Variants in RAD54B observed in about 807,000 individuals in gnomAD.
RAD54B encodes RAD54 homolog B.
A neutral mutation model predicts 95.8 loss-of-function variants in RAD54B; 78 were observed. That is an observed-to-expected ratio of 0.81 (90% CI 0.68 to 0.98). RAD54B has a LOEUF of 0.98. Among genes scored for constraint, RAD54B ranks in the 50% least tolerant of loss-of-function variants. The probability of loss-of-function intolerance (pLI) is 0.00; values close to 1 mark genes in which losing one functional copy is unlikely to be tolerated. For synonymous variants in RAD54B, 328 were observed against 354.9 expected, an observed-to-expected ratio of 0.92 and a Z score of 0.85; for missense variants, 957 against 1,056.6, an observed-to-expected ratio of 0.91 and a Z score of 1.31.
chr8:94,467,341 G>T, intron 2 of RAD54B, 64 bp downstream of exon 2: 2 of 1,351,094 alleles, frequency 1.5e-6, no homozygotes, highest in South Asian at 1.7e-5. Context: ...CTCTTTAAAT[G>T]GCATTTTCTT....
intron 1 of RAD54B, among the ~76,000 whole-genome samples, chr8:94,474,099 C>T (rs1028205377): frequency 6.6e-6 from 1 of 152,122 alleles, no homozygotes; most frequent in Non-Finnish European, 1.5e-5. Flanking sequence ...TTATCCAAAG[C>T]GAATTAAAGC....
chr8:94,378,540 C>T (rs371934028), intron 13 of RAD54B, 28 bp downstream of exon 13: 3 of 1,551,574 alleles, frequency 1.9e-6, no homozygotes, highest in Non-Finnish European at 2.6e-6. Flanking sequence ...AAAGAGTATA[C>T]ATTTTTGTCA....
At chr8:94,377,824 A>C (rs1810629037) in intron 14 of RAD54B, among the ~76,000 whole-genome samples, 1 of 148,072 alleles carries the variant, frequency 6.8e-6, no homozygotes, top group Non-Finnish European at 1.5e-5. Context: ...AAAATACAAA[A>C]AATTAGCCGG....
intron 3 of RAD54B, among the ~76,000 whole-genome samples, chr8:94,442,078 G>A (rs1812409889): frequency 6.6e-6 from 1 of 152,154 alleles, no homozygotes; most frequent in Non-Finnish European, 1.5e-5. Flanking sequence ...ATGAAATCCT[G>A]ACATTTGCAG....
chr8:94,463,255 C>T (rs948198712), intron 2 of RAD54B, among the ~76,000 whole-genome samples: 4 of 142,002 alleles, frequency 2.8e-5, no homozygotes, highest in African/African-American at 1.1e-4. Flanking sequence ...GGCAACAGAG[C>T]GAGACTTCAC....
chr8:94,431,358 TAGAG>T (rs1164856905), intron 3 of RAD54B: 2 of 984,578 alleles, frequency 2.0e-6, no homozygotes, highest in Non-Finnish European at 2.4e-6. Flanking sequence ...GGAACAAAAA[TAGAG>T]AGAGAATGGG....
chr8:94,376,820 C>T (rs1351660113), intron 14 of RAD54B, among the ~76,000 whole-genome samples: 3 of 149,964 alleles, frequency 2.0e-5, no homozygotes, highest in Non-Finnish European at 4.4e-5. Context: ...AACTAATAAG[C>T]TTCTATTGTA....
intron 3 of RAD54B, among the ~76,000 whole-genome samples, chr8:94,438,421 A>G (rs1812322057): frequency 6.6e-6 from 1 of 152,190 alleles, no homozygotes; most frequent in Admixed American, 6.5e-5. Flanking sequence ...TGTAGAAATC[A>G]GTAATGCAAA....
chr8:94,455,758 G>A (rs1239829440), intron 3 of RAD54B, among the ~76,000 whole-genome samples: 4 of 152,152 alleles, frequency 2.6e-5, no homozygotes, highest in Non-Finnish European at 4.4e-5. Context: ...GCCCCTGGTG[G>A]TTTCCAGCAA....
chr8:94,447,596 G>C (rs1812552885), intron 3 of RAD54B, among the ~76,000 whole-genome samples: 1 of 152,170 alleles, frequency 6.6e-6, no homozygotes, highest in South Asian at 2.1e-4. Flanking sequence ...CGTACACTGA[G>C]GATTCTCAGA....
chr8:94,442,577 A>G (rs1191451806), intron 3 of RAD54B, among the ~76,000 whole-genome samples: 378 of 137,862 alleles, frequency 2.7e-3, no homozygotes, highest in Non-Finnish European at 4.2e-3. Context: ...TCTGTCTCAG[A>G]AAAAAAAAAA....
chr8:94,423,775 G>A (rs1002987703), intron 3 of RAD54B, among the ~76,000 whole-genome samples: 9 of 152,136 alleles, frequency 5.9e-5, no homozygotes, highest in South Asian at 2.1e-4. Flanking sequence ...ATTTTGCTGT[G>A]TGCAATTTTA....
chr8:94,447,204 T>C (rs1022897472), intron 3 of RAD54B, among the ~76,000 whole-genome samples: 2 of 152,156 alleles, frequency 1.3e-5, no homozygotes, highest in Admixed American at 1.3e-4. Context: ...ACTCCACCCA[T>C]GCTACATGAA....
At chr8:94,464,682 TATGGTATTTAA>T (rs1307611733) in intron 2 of RAD54B, among the ~76,000 whole-genome samples, 3 of 152,218 alleles carry the variant, frequency 2.0e-5, no homozygotes, top group Non-Finnish European at 4.4e-5. Flanking sequence ...AAGTAGACTG[TATGGTATTTAA>T]ATTATATCTG....
chr8:94,423,452 C>T (rs1281471255), intron 3 of RAD54B, among the ~76,000 whole-genome samples: 3 of 152,154 alleles, frequency 2.0e-5, no homozygotes, highest in Non-Finnish European at 4.4e-5. Context: ...AGCAAAGATT[C>T]AGTCACTTCT....
At chr8:94,431,692 A>G (rs764035445) in intron 3 of RAD54B, 71 of 983,744 alleles carry the variant, frequency 7.2e-5, no homozygotes, top group Non-Finnish European at 7.7e-5. Flanking sequence ...AAAAGATAAA[A>G]GCATAAAAAC....
intron 11 of RAD54B, among the ~76,000 whole-genome samples, chr8:94,380,810 G>A (rs973499307): frequency 6.6e-6 from 1 of 152,166 alleles, no homozygotes; most frequent in Admixed American, 6.5e-5. Context: ...ACAAATGAAA[G>A]TTCATTTGCA....
chr8:94,446,671 G>C (rs147213727), intron 3 of RAD54B, among the ~76,000 whole-genome samples: 13 of 152,244 alleles, frequency 8.5e-5, no homozygotes, highest in Non-Finnish European at 1.9e-4. Context: ...GAAGTACACT[G>C]CACTTCATTT....
rs1812822366 is a variant in RAD54B, at chr8:94,458,289, T to C, written c.283A>G (p.Thr95Ala). The C allele has an allele frequency of 2.5e-6, 4 of 1,606,346 alleles. No individual in the cohort carries two copies. Among genetic ancestry groups the C allele is most frequent in the East Asian group, 2.2e-5 (1 of 44,522 alleles). Residue 95 changes from threonine (T) to alanine (A), a missense_variant, in exon 3 of 15, where the codon ACA (threonine) becomes GCA (alanine). Transcript: ENST00000336148. ...KYCFEAPTLA[T>A]LDPPHTVHSA... ...TTACCTGTATGAGGTGGATCTAATG[T>C]TGCCAGTGTAGGTGCTTCAAAACAA...
Sources: gnomAD v4.1 joint callset for allele counts (sites outside exome capture counted in the v4.1 genomes callset) on GRCh38, gnomAD v4.1.1 for gene constraint, MANE v1.5 for transcripts, NCBI Gene and HGNC (gene_info 2026-07-23, HGNC 2026-07-21) for gene names.